Variants in HS3ST4 observed in about 807,000 individuals in gnomAD.
The protein encoded by HS3ST4 is heparan sulfate glucosamine 3-O-sulfotransferase 4.
Under a neutral mutation model 29.2 loss-of-function variants are expected in HS3ST4, and 17 were observed. The ratio of observed to expected loss-of-function variants is 0.58; its 90% CI spans 0.40 to 0.87. The LOEUF is 0.87. HS3ST4 is among the 40% of genes least tolerant of loss of function. The pLI, the probability that HS3ST4 is intolerant of heterozygous loss-of-function variation, is 0.00. For missense variants in HS3ST4, 627 were observed against 634.5 expected, an observed-to-expected ratio of 0.99 and a Z score of 0.13; for synonymous variants, 314 against 285.7, an observed-to-expected ratio of 1.10 and a Z score of -1.00.
At chr16:26,041,915 G>A (rs530221335) in intron 1 of HS3ST4, among the ~76,000 whole-genome samples, 50 of 152,136 alleles carry the variant, frequency 3.3e-4, no homozygotes, top group Non-Finnish European at 5.6e-4. Context: ...GCCCGATCTC[G>A]GGAGAGTCTG....
chr16:25,806,040 T>C (rs1966987814), intron 1 of HS3ST4, among the ~76,000 whole-genome samples: 1 of 152,188 alleles, frequency 6.6e-6, no homozygotes, highest in Non-Finnish European at 1.5e-5. Context: ...ATTATTTCAT[T>C]CCTTTTTATG....
intron 1 of HS3ST4, among the ~76,000 whole-genome samples, chr16:25,857,975 TTTTCTG>T (rs1967598795): frequency 2.6e-5 from 1 of 37,892 alleles, no homozygotes; most frequent in East Asian, 1.1e-3. Context: ...TTTCTTTCTC[TTTTCTG>T]TCTTTCTTTT....
rs146239058 is a variant in HS3ST4 at position 25,711,882 on chromosome 16, G to A, written c.734+18731G>A. On this transcript the variant is annotated intron_variant, in intron 1 of 1. Transcript: ENST00000331351. ...GGCCTCAAGTGACCTGCTCGCCTCA[G>A]CCTCCCAAAGTGCTGGGATTATAGG... 4.1e-3 allele frequency among the ~76,000 whole-genome samples: 627 copies of A among 152,304 alleles called. 2 individuals carry two copies. The highest frequency in any genetic ancestry group is 0.014 in the African/African-American group (574 of 41,566).
rs574798941 is a variant in HS3ST4 at position 26,080,155 on chromosome 16, G to A, written c.735-55457G>A. On this transcript the variant is annotated intron_variant, in intron 1 of 1. Transcript: ENST00000331351. ...GAGAGCTCCACCCACCTTGCTCAAC[G>A]TGAGGTTCGAGGAGTCAGGACAGAT... Among the ~76,000 whole-genome samples, 8 of 152,146 alleles carry A rather than the reference G, an allele frequency of 5.3e-5. No individual in the cohort carries two copies. In the South Asian group the frequency reaches 1.0e-3, roughly 20 times the overall value.
intron 1 of HS3ST4, among the ~76,000 whole-genome samples, chr16:25,819,198 G>C (rs1216830390): frequency 6.6e-6 from 1 of 152,166 alleles, no homozygotes; most frequent in East Asian, 1.9e-4. Flanking sequence ...CTGTAAGTTT[G>C]TGAAGGACCA....
intron 1 of HS3ST4, among the ~76,000 whole-genome samples, chr16:25,778,142 A>G (rs1272312964): frequency 6.6e-6 from 1 of 152,002 alleles, no homozygotes; most frequent in East Asian, 1.9e-4. Context: ...ACTAAAATAT[A>G]TATATATATT....
At chr16:25,702,986 C>A (rs148419741) in intron 1 of HS3ST4, among the ~76,000 whole-genome samples, 7,020 of 152,058 alleles carry the variant, frequency 0.046, 231 homozygotes, top group Non-Finnish European at 0.07. Context: ...TGGTGAAACC[C>A]CGTCTCTACT....
intron 1 of HS3ST4, among the ~76,000 whole-genome samples, chr16:25,790,047 A>G (rs906935332): frequency 6.6e-6 from 1 of 152,222 alleles, no homozygotes; most frequent in African/African-American, 2.4e-5. Context: ...TTCCTTTAGG[A>G]TGGTATATAC....
chr16:25,871,628 CA>C (rs1399492115), intron 1 of HS3ST4, among the ~76,000 whole-genome samples: 2 of 151,868 alleles, frequency 1.3e-5, no homozygotes, highest in African/African-American at 4.8e-5. Flanking sequence ...TCACATTTTT[CA>C]AAAAAAGAAA....
chr16:25,929,609 G>A (rs1174690698), intron 1 of HS3ST4, among the ~76,000 whole-genome samples: 1 of 151,984 alleles, frequency 6.6e-6, no homozygotes, highest in Non-Finnish European at 1.5e-5. Context: ...ACACCTCTAA[G>A]GTGATTTGGG....
chr16:26,087,216 A>G (rs1298211172), intron 1 of HS3ST4, among the ~76,000 whole-genome samples: 1 of 152,244 alleles, frequency 6.6e-6, no homozygotes, highest in Non-Finnish European at 1.5e-5. Flanking sequence ...TAGGTGGCAG[A>G]CACATCACTG....
At chr16:26,079,748 G>A (rs1898703860) in intron 1 of HS3ST4, among the ~76,000 whole-genome samples, 1 of 152,162 alleles carries the variant, frequency 6.6e-6, no homozygotes, top group South Asian at 2.1e-4. Context: ...AGGAAGGGAA[G>A]CTTCCTTTTG....
At chr16:25,943,134 T>C (rs1028904316) in intron 1 of HS3ST4, among the ~76,000 whole-genome samples, 1 of 152,210 alleles carries the variant, frequency 6.6e-6, no homozygotes, top group African/African-American at 2.4e-5. Context: ...ATTTTATTAT[T>C]TTATTTTTCT....
At chr16:26,114,918 G>C (rs77368685) in intron 1 of HS3ST4, among the ~76,000 whole-genome samples, 3,571 of 152,144 alleles carry the variant, frequency 0.023, 142 homozygotes, top group African/African-American at 0.078. Flanking sequence ...AAAGAGACAT[G>C]TACAAAGTCG....
At chr16:25,868,495 A>AG (rs1312031921) in intron 1 of HS3ST4, among the ~76,000 whole-genome samples, 1 of 152,216 alleles carries the variant, frequency 6.6e-6, no homozygotes, top group Non-Finnish European at 1.5e-5. Context: ...ACAGCCTGCT[A>AG]GATTTCAGGG....
intron 1 of HS3ST4, among the ~76,000 whole-genome samples, chr16:25,750,419 G>A (rs1966711538): frequency 6.6e-6 from 1 of 152,178 alleles, no homozygotes; most frequent in Admixed American, 6.5e-5. Flanking sequence ...AGAAGACATA[G>A]ACTCATTTTC....
At chr16:25,827,383 C>A (rs932651032) in intron 1 of HS3ST4, among the ~76,000 whole-genome samples, 2 of 152,078 alleles carry the variant, frequency 1.3e-5, no homozygotes, top group African/African-American at 2.4e-5. Flanking sequence ...TGTCTATGAC[C>A]CAGGCAGATG....
intron 1 of HS3ST4, among the ~76,000 whole-genome samples, chr16:25,724,634 T>A (rs1269988461): frequency 6.6e-6 from 1 of 152,118 alleles, no homozygotes; most frequent in East Asian, 1.9e-4. Context: ...AGTGCTGGGA[T>A]TACAGGCATG....
chr16:25,866,781 C>T (rs1012137861), intron 1 of HS3ST4, among the ~76,000 whole-genome samples: 4 of 151,976 alleles, frequency 2.6e-5, no homozygotes, highest in Non-Finnish European at 5.9e-5. Context: ...AGGAAACAAG[C>T]CTGCACATTC....
Sources: allele counts gnomAD v4.1 joint callset (sites outside exome capture counted in the v4.1 genomes callset), GRCh38; gene constraint gnomAD v4.1.1; transcripts MANE v1.5; gene names NCBI Gene and HGNC (gene_info 2026-07-23, HGNC 2026-07-21).